Variants in ALAS1 observed in about 807,000 individuals in gnomAD.
ALAS1 encodes the protein 5'-aminolevulinate synthase 1.
ALAS1 carries 29 observed loss-of-function variants against 59.6 expected under a neutral mutation model. That is an observed-to-expected ratio of 0.49 (90% CI 0.36 to 0.66). The LOEUF is 0.66. Ranked by LOEUF, ALAS1 falls within the 30% of genes least tolerant of loss-of-function variation. The probability of loss-of-function intolerance (pLI) is 0.00; values close to 1 mark genes in which losing one functional copy is unlikely to be tolerated. For missense variants in ALAS1, 690 were observed against 807.5 expected (o/e 0.85, Z 1.76); for synonymous variants, 299 against 296.6 (o/e 1.01, Z -0.08).
chr3:52,209,294 A>G (rs1243173490), intron 9 of ALAS1, among the ~76,000 whole-genome samples: 1 of 151,902 alleles, frequency 6.6e-6, no homozygotes, highest in East Asian at 1.9e-4. Flanking sequence ...TGCAAGCTCC[A>G]CCTCCCAGGT....
intron 10 of ALAS1, 36 bp from the exon 11 acceptor site, chr3:52,212,222 T>C (rs755379651): frequency 1.3e-6 from 2 of 1,596,504 alleles, no homozygotes; most frequent in South Asian, 2.2e-5. Flanking sequence ...TAGTCCTTCC[T>C]GTTGTGACCT....
In ALAS1 at chr3:52,202,567, A is replaced by T; in HGVS notation, c.260A>T (p.Asp87Val). ...QTPDGSQQSPDGTQLPSGHPL... is the reference protein window; with the variant it reads ...QTPDGSQQSPVGTQLPSGHPL... The stretch of plus-strand genomic sequence containing the variant: ...CCTGATGGATCCCAGCAGAGTCCAG[A>T]TGGCACACAGCTTCCGTCTGGACAC... The change falls in exon 4 of 12, where the codon GAT (aspartate) becomes GTT (valine). Residue 87 changes from aspartate to valine, a missense_variant. Transcript: ENST00000484952. The T allele has an allele frequency of 1.2e-6, 2 of 1,614,184 alleles. No individual in the cohort carries two copies. Among genetic ancestry groups the T allele is most frequent in the Non-Finnish European group, 1.7e-6 (2 of 1,180,038 alleles).
intron 10 of ALAS1, 110 bp downstream of exon 10, chr3:52,211,661 A>G (rs1252629638): frequency 6.8e-7 from 1 of 1,468,774 alleles, no homozygotes; most frequent in Non-Finnish European, 9.3e-7. Flanking sequence ...GGTGACTGCC[A>G]GGGCAGGGGT....
At chr3:52,205,721 T>TGA in intron 6 of ALAS1, 118 bp from the exon 7 acceptor site, 1 of 978,202 alleles carries the variant, frequency 1.0e-6, no homozygotes, top group Non-Finnish European at 1.5e-6. Flanking sequence ...GGTTTCACAG[T>TGA]GAGAGAGTTG....
chr3:52,204,787 G>T lies in ALAS1; in HGVS notation c.672G>T (p.Arg224=), dbSNP rs1488249506. ...HTYRVFKTVN[R]RAHIFPMADD... Reference sequence around the variant, plus strand: ...ATCGAGTTTTTAAAACTGTGAACCGGCGAGCACACATCTTCCCCATGGCAG... The same window carrying T: ...ATCGAGTTTTTAAAACTGTGAACCGTCGAGCACACATCTTCCCCATGGCAG... Residue 224 remains arginine (R), a synonymous_variant, in exon 6 of 12, where the codon CGG becomes CGT. Coordinates refer to ENST00000484952, the MANE Select transcript of ALAS1 (RefSeq NM_000688.6). The T allele has an allele frequency of 6.2e-7, 1 of 1,614,128 alleles. No individual in the cohort carries two copies. Among genetic ancestry groups the T allele is most frequent in the Admixed American group, 1.7e-5 (1 of 60,020 alleles).
At chr3:52,202,133 T>A (rs1188064001) in intron 3 of ALAS1, among the ~76,000 whole-genome samples, 1 of 152,194 alleles carries the variant, frequency 6.6e-6, no homozygotes, top group Non-Finnish European at 1.5e-5. Context: ...GTGGATAACC[T>A]GAGGTCAGGA....
chr3:52,208,661 A>G (rs1264346397), intron 9 of ALAS1, among the ~76,000 whole-genome samples: 2 of 152,154 alleles, frequency 1.3e-5, no homozygotes, highest in Non-Finnish European at 1.5e-5. Flanking sequence ...GAACATTCTA[A>G]TTCATCCTGG....
Position 52,204,909 on chromosome 3 carries a change from C to G in ALAS1, c.794C>G (p.Ala265Gly), listed in dbSNP as rs1358925554. 2.5e-6 allele frequency: 4 copies of G among 1,612,898 alleles called. No homozygotes were observed. The highest frequency in any genetic ancestry group is 3.4e-6 in the Non-Finnish European group (4 of 1,179,208). The change falls in exon 6 of 12, where the codon GCA (alanine) becomes GGA (glycine). Residue 265 changes from alanine to glycine, a missense_variant. Ala to Gly is a moderately conservative substitution (Grantham distance 60). Transcript: ENST00000484952. ...AGTCGCCACCCACGGGTGTGTGGGG[C>G]AGTTATGTAAGTAGCCCTTGGCTTT... ...GMSRHPRVCG[A>G]VMDTLKQHGA... is the part of the protein sequence containing the mutation.
chr3:52,205,059 A>G, intron 6 of ALAS1, 144 bp downstream of exon 6: 1 of 717,290 alleles, frequency 1.4e-6, no homozygotes. Flanking sequence ...TCTGAAAAAT[A>G]TCTACAGATT....
At chr3:52,209,005 A>G (rs1699350061) in intron 9 of ALAS1, among the ~76,000 whole-genome samples, 1 of 152,168 alleles carries the variant, frequency 6.6e-6, no homozygotes, top group African/African-American at 2.4e-5. Context: ...GCAGTTGGAA[A>G]CCCATCTAGC....
At chr3:52,212,143 T>C in intron 10 of ALAS1, 115 bp from the exon 11 acceptor site, 1 of 892,342 alleles carries the variant, frequency 1.1e-6, no homozygotes, top group Non-Finnish European at 1.7e-6. Flanking sequence ...AGCTTGCATG[T>C]GTTGCTACAG....
Position 52,206,897 on chromosome 3 carries a change from C to T in ALAS1, c.1165+146C>T, listed in dbSNP as rs566484111. The T allele has an allele frequency of 5.6e-5, 47 of 831,992 alleles. 2 individuals are homozygous for T. The highest frequency in any genetic ancestry group is 4.7e-4 in the South Asian group (24 of 51,156). The allele number at this position is 831,992 out of a possible 1,614,324, so 51.5% of individuals were successfully genotyped here. The stretch of plus-strand genomic sequence containing the variant: ...TTGCCCAGGCAGGAGTGCAGTGGTG[C>T]GATCTCGACTCACTGCAAGCTCCGC... On this transcript the variant is annotated intron_variant, in intron 8 of 11. Transcript: ENST00000484952.
At position 52,214,011 on chromosome 3, in the gene ALAS1, TCTC is replaced by T. The variant is rs1559878176; in HGVS notation, c.1763-5_1763-3del. The T allele has an allele frequency of 1.9e-6, 3 of 1,593,790 alleles. No homozygotes were observed. Among genetic ancestry groups the T allele is most frequent in the Non-Finnish European group, 2.6e-6 (3 of 1,163,356 alleles). ...CTCCCTTTAATATTTAAAAACTGTT[TCTC>T]CTCAGAGAATCTGCTAGTCACATGG... On this transcript the variant is annotated splice_polypyrimidine_tract_variant and splice_region_variant and intron_variant, in intron 11 of 11. Coordinates refer to ENST00000484952, the MANE Select transcript of ALAS1 (RefSeq NM_000688.6).
intron 9 of ALAS1, among the ~76,000 whole-genome samples, chr3:52,209,486 C>T (rs558085055): frequency 3.7e-4 from 56 of 152,236 alleles, no homozygotes; most frequent in Middle Eastern, 3.4e-3. Flanking sequence ...GGATTACAGG[C>T]GTGAGCCACC....
chr3:52,198,183 C>G lies in ALAS1; in HGVS notation c.-282C>G, dbSNP rs986223966. 6.3e-5 allele frequency: 25 copies of G among 398,596 alleles called. No homozygotes were observed. The highest frequency in any genetic ancestry group is 4.7e-4 in the African/African-American group (23 of 48,634). 24.7% of individuals were successfully genotyped at this position (398,596 alleles called of 1,614,324 possible). On this transcript the variant is annotated 5_prime_UTR_variant, in exon 1 of 12. Transcript: ENST00000484952. ...TGAGGCTGCTCCCGGACAAGGGCAACGAGCGTTTCGTTTGGACTTCTCGAC... is the reference window on the plus strand; with the variant it reads ...TGAGGCTGCTCCCGGACAAGGGCAAGGAGCGTTTCGTTTGGACTTCTCGAC...
At chr3:52,205,457 TG>T (rs1271097404) in intron 6 of ALAS1, among the ~76,000 whole-genome samples, 3 of 152,178 alleles carry the variant, frequency 2.0e-5, no homozygotes, top group African/African-American at 7.2e-5. Flanking sequence ...ATGACTGGCT[TG>T]CAGAGGGTAA....
chr3:52,212,474 T>C, intron 11 of ALAS1, 54 bp downstream of exon 11: 1 of 1,603,216 alleles, frequency 6.2e-7, no homozygotes, highest in Non-Finnish European at 8.5e-7. Context: ...TAAAGCTGTC[T>C]TTGCAGTGTT....
At chr3:52,200,502 C>T (rs1699165818) in intron 3 of ALAS1, among the ~76,000 whole-genome samples, 1 of 152,176 alleles carries the variant, frequency 6.6e-6, no homozygotes. Context: ...CTTTGGGAGG[C>T]CGAGGTGGTT....
intron 8 of ALAS1, among the ~76,000 whole-genome samples, chr3:52,207,332 T>A (rs1699315548): frequency 6.6e-6 from 1 of 151,974 alleles, no homozygotes; most frequent in Non-Finnish European, 1.5e-5. Context: ...TAGACGGGGT[T>A]TCACTGTGTT....
Sources: allele counts gnomAD v4.1 joint callset (sites outside exome capture counted in the v4.1 genomes callset), GRCh38; gene constraint gnomAD v4.1.1; transcripts MANE v1.5; gene names NCBI Gene and HGNC (gene_info 2026-07-23, HGNC 2026-07-21).